The following ABCG1 variants were observed in gnomAD, a reference collection of about 807,000 sequenced individuals.
The protein encoded by ABCG1 is ATP binding cassette subfamily G member 1, also known as ATP-binding cassette sub-family G member 1.
A neutral mutation model predicts 69.2 loss-of-function variants in ABCG1; 29 were observed. The observed-to-expected ratio is 0.42, with a 90% CI of 0.31 to 0.57. The LOEUF is 0.57. ABCG1 is among the 20% of genes least tolerant of loss of function. The pLI, the probability that ABCG1 is intolerant of heterozygous loss-of-function variation, is 0.15. For synonymous variants in ABCG1, 370 were observed against 374.8 expected (o/e 0.99, Z 0.15); for missense variants, 718 against 898.1 (o/e 0.80, Z 2.56).
rs1209980034 is a variant in ABCG1, at chr21:42,225,858, T to C, written c.230T>C (p.Ile77Thr). 4.3e-6 allele frequency: 7 copies of C among 1,613,628 alleles called. No homozygotes were observed. The highest frequency in any genetic ancestry group is 2.7e-5 in the African/African-American group (2 of 74,800). Residue 77 changes from isoleucine to threonine, a missense_variant, in exon 2 of 15, where the codon ATT (isoleucine) becomes ACT (threonine). Coordinates refer to ENST00000398449, the MANE Select transcript of ABCG1 (RefSeq NM_016818.3). Reference sequence around the variant, plus strand: ...TTGCCTCGGAGGGCAGCTGTGAACATTGAATTCAGGGACCTTTCCTATTCG... The same window carrying C: ...TTGCCTCGGAGGGCAGCTGTGAACACTGAATTCAGGGACCTTTCCTATTCG... ...SSLPRRAAVNIEFRDLSYSVP... is the reference protein window; with the variant it reads ...SSLPRRAAVNTEFRDLSYSVP...
intron 2 of ABCG1, among the ~76,000 whole-genome samples, chr21:42,246,820 T>A (rs958632067): frequency 6.6e-6 from 1 of 152,212 alleles, no homozygotes; most frequent in Admixed American, 6.5e-5. Context: ...CATCTAAATT[T>A]GAATCTTATA....
At chr21:42,210,969 T>TTTC in intron 2 of ABCG1, among the ~76,000 whole-genome samples, 1 of 151,260 alleles carries the variant, frequency 6.6e-6, no homozygotes, top group African/African-American at 2.4e-5. Flanking sequence ...CTTTTTTTTT[T>TTTC]TTTTTTTTGA....
At chr21:42,215,354 A>T (rs946769028), upstream of ABCG1, among the ~76,000 whole-genome samples, 3 of 152,238 alleles carry the variant, frequency 2.0e-5, no homozygotes, top group African/African-American at 7.2e-5. Context: ...CTTCATGTTC[A>T]GCCTCAGCAG....
intron 1 of ABCG1, chr21:42,201,567 TC>T: frequency 2.0e-6 from 3 of 1,510,166 alleles, no homozygotes; most frequent in Non-Finnish European, 2.7e-6. Context: ...CTTCTTCCAC[TC>T]CACCACAGCG....
intron 2 of ABCG1, among the ~76,000 whole-genome samples, chr21:42,268,444 G>A (rs1057314727): frequency 1.3e-5 from 2 of 151,888 alleles, no homozygotes; most frequent in South Asian, 2.1e-4. Context: ...CCTCTGGCTG[G>A]TGTTTCCTGG....
intron 5 of ABCG1, among the ~76,000 whole-genome samples, chr21:42,277,442 A>T (rs569898349): frequency 1.3e-5 from 2 of 152,184 alleles, no homozygotes; most frequent in South Asian, 4.1e-4. Flanking sequence ...TTCCAGGATG[A>T]TGAAGACTTT....
At chr21:42,231,342 A>G (rs1288106380) in intron 2 of ABCG1, among the ~76,000 whole-genome samples, 3 of 152,242 alleles carry the variant, frequency 2.0e-5, no homozygotes, top group African/African-American at 7.2e-5. Context: ...TGGCCTCCAC[A>G]TGGTGACGCT....
intron 2 of ABCG1, among the ~76,000 whole-genome samples, chr21:42,264,861 C>T (rs968264649): frequency 3.3e-5 from 5 of 152,016 alleles, no homozygotes; most frequent in African/African-American, 7.3e-5. Flanking sequence ...ACTGGGGGCA[C>T]GTGCATGGGG....
intron 13 of ABCG1, among the ~76,000 whole-genome samples, chr21:42,292,046 A>G (rs1000323056): frequency 6.6e-6 from 1 of 152,040 alleles, no homozygotes; most frequent in African/African-American, 2.4e-5. Flanking sequence ...CCCAACACCT[A>G]TGCATCACTG....
chr21:42,286,534 T>C (rs1236431592), intron 8 of ABCG1, among the ~76,000 whole-genome samples: 2 of 152,190 alleles, frequency 1.3e-5, no homozygotes, highest in African/African-American at 2.4e-5. Flanking sequence ...GAGTAGGCTG[T>C]GATGGAGAGG....
At chr21:42,200,112 C>A (rs1282911922) in intron 1 of ABCG1, among the ~76,000 whole-genome samples, 3 of 152,180 alleles carry the variant, frequency 2.0e-5, no homozygotes, top group African/African-American at 7.2e-5. Context: ...GAAAGGGGGA[C>A]CCTGAGGACT....
intron 13 of ABCG1, 59 bp from the exon 14 acceptor site, chr21:42,294,483 T>C: frequency 7.0e-7 from 1 of 1,422,288 alleles, no homozygotes; most frequent in Non-Finnish European, 9.9e-7. Flanking sequence ...GCGAGCCTCC[T>C]CTGCAGGAGG....
intron 1 of ABCG1, among the ~76,000 whole-genome samples, chr21:42,225,109 T>C (rs1215946996): frequency 1.3e-5 from 2 of 152,170 alleles, no homozygotes; most frequent in Admixed American, 1.3e-4. Flanking sequence ...TATGAAGAGG[T>C]AGCAAGAGAG....
At chr21:42,218,235 C>T (rs946139430), upstream of ABCG1, among the ~76,000 whole-genome samples, 2 of 152,096 alleles carry the variant, frequency 1.3e-5, no homozygotes, top group African/African-American at 2.4e-5. Context: ...TCCTGTTTTT[C>T]GTCCCAACAT....
At chr21:42,281,263 A>C (rs1320769573) in intron 5 of ABCG1, among the ~76,000 whole-genome samples, 1 of 152,130 alleles carries the variant, frequency 6.6e-6, no homozygotes, top group Non-Finnish European at 1.5e-5. Flanking sequence ...GGGGCCGGCC[A>C]CCACAGGGCT....
chr21:42,291,294 C>G lies in ABCG1; in HGVS notation c.1494+102C>G. The G allele has an allele frequency of 8.4e-7, 1 of 1,197,130 alleles. No homozygotes were observed. Among genetic ancestry groups the G allele is most frequent in the Non-Finnish European group, 1.2e-6 (1 of 832,248 alleles). 74.2% of individuals were successfully genotyped at this position (1,197,130 alleles called of 1,614,324 possible). Reference sequence around the variant, plus strand: ...CTGCCAGGGATGCAGGGTGACATGGCCCGACTTCGGGAGCTCTGGTGGGAG... The same window carrying G: ...CTGCCAGGGATGCAGGGTGACATGGGCCGACTTCGGGAGCTCTGGTGGGAG... On this transcript the variant is annotated intron_variant, in intron 12 of 14. Transcript: ENST00000398449. This position sits in a 1 kb window ranked among gnomAD's most constrained non-coding sequence, Gnocchi z 6.4.
At chr21:42,294,445 T>C in intron 13 of ABCG1, 97 bp from the exon 14 acceptor site, 1 of 927,224 alleles carries the variant, frequency 1.1e-6, no homozygotes, top group Non-Finnish European at 1.8e-6. Flanking sequence ...GAAGGTGCCC[T>C]GGCCCTGCCC....
At chr21:42,200,953 G>A (rs1017062636) in intron 1 of ABCG1, among the ~76,000 whole-genome samples, 1 of 152,022 alleles carries the variant, frequency 6.6e-6, no homozygotes, top group African/African-American at 2.4e-5. Flanking sequence ...TACGTCCCGA[G>A]GTACATGTGC....
chr21:42,282,532 G>A, intron 6 of ABCG1, 113 bp downstream of exon 6: 6 of 1,276,204 alleles, frequency 4.7e-6, no homozygotes, highest in East Asian at 2.6e-5. Flanking sequence ...GGTGAGTTGA[G>A]CTCACCCGGC....
Sources: allele counts gnomAD v4.1 joint callset (sites outside exome capture counted in the v4.1 genomes callset), GRCh38; gene constraint gnomAD v4.1.1; non-coding constraint Gnocchi (gnomAD v3.1); transcripts MANE v1.5; gene names NCBI Gene and HGNC (gene_info 2026-07-23, HGNC 2026-07-21).